The following UTRN variants were observed in gnomAD, a reference collection of about 807,000 sequenced individuals.
The protein encoded by UTRN is utrophin, also known as dystrophin-related protein 1.
UTRN carries 283 observed loss-of-function variants against 463.9 expected under a neutral mutation model. That is an observed-to-expected ratio of 0.61 (90% CI 0.55 to 0.67). The LOEUF is 0.67. Ranked by LOEUF, UTRN falls within the 30% of genes least tolerant of loss-of-function variation. UTRN has a pLI of 0.00. For missense variants in UTRN, 3,922 were observed against 4,084.3 expected, an observed-to-expected ratio of 0.96 and a Z score of 1.08; for synonymous variants, 1,442 against 1,431.5, an observed-to-expected ratio of 1.01 and a Z score of -0.17.
intron 53 of UTRN, among the ~76,000 whole-genome samples, chr6:144,715,410 T>C (rs1786295105): frequency 1.3e-5 from 2 of 152,200 alleles, no homozygotes; most frequent in African/African-American, 4.8e-5. Flanking sequence ...AATCAAACTC[T>C]GTAGGGGCTT....
intron 74 of UTRN, among the ~76,000 whole-genome samples, chr6:144,848,918 G>A (rs1251489024): frequency 2.0e-5 from 3 of 152,038 alleles, no homozygotes; most frequent in Non-Finnish European, 4.4e-5. Context: ...TTCAAAGCTG[G>A]GTGTTTTTAG....
At chr6:144,711,992 C>T (rs577246323) in intron 53 of UTRN, among the ~76,000 whole-genome samples, 4 of 152,062 alleles carry the variant, frequency 2.6e-5, no homozygotes, top group Non-Finnish European at 4.4e-5. Flanking sequence ...TCTGTGCACA[C>T]GTAGGTGTGG....
Position 144,367,685 on chromosome 6 carries a change from A to G in UTRN, c.80-35438A>G, listed in dbSNP as rs576569407. 1.0e-3 allele frequency among the ~76,000 whole-genome samples: 156 copies of G among 152,312 alleles called. 1 individual carries two copies. Among genetic ancestry groups the G allele is most frequent in the African/African-American group, 3.7e-3 (152 of 41,574 alleles). On this transcript the variant is annotated intron_variant, in intron 2 of 74. Transcript: ENST00000367545. ...TTCTACGAGCTTTTATTTTTCAAGGAGAAACTTATCTTCAAGAAGACAGTA... is the reference window on the plus strand; with the variant it reads ...TTCTACGAGCTTTTATTTTTCAAGGGGAAACTTATCTTCAAGAAGACAGTA...
intron 37 of UTRN, among the ~76,000 whole-genome samples, chr6:144,515,189 G>A (rs1357103556): frequency 6.6e-6 from 1 of 152,206 alleles, no homozygotes; most frequent in East Asian, 1.9e-4. Flanking sequence ...ACAGGTGTGA[G>A]CTGCTGCACC....
chr6:144,459,210 A>G lies in UTRN; in HGVS notation c.2563A>G (p.Ile855Val), dbSNP rs1208386068. ...AAATCTTCTTGGCCTTCACCCCAAA[A>G]TTGAAATGGCTCGTGCAAGCTGCTC... ...LTNLLGLHPK[I>V]EMARASCSAL... The change falls in exon 21 of 75, where the codon ATT becomes GTT. Residue 855 changes from isoleucine (I) to valine (V), a missense_variant. Ile to Val is a conservative substitution (Grantham distance 29, BLOSUM62 3). Coordinates refer to ENST00000367545, the MANE Select transcript of UTRN (RefSeq NM_007124.3). The G allele has an allele frequency of 1.2e-6, 2 of 1,613,416 alleles. No individual in the cohort carries two copies. The highest frequency in any genetic ancestry group is 2.2e-5 in the East Asian group (1 of 44,882).
chr6:144,434,826 T>G (rs1295079558), intron 9 of UTRN, among the ~76,000 whole-genome samples: 1 of 152,170 alleles, frequency 6.6e-6, no homozygotes, highest in African/African-American at 2.4e-5. Flanking sequence ...AAAGCTCAAG[T>G]TGCTCAGCCT....
intron 51 of UTRN, among the ~76,000 whole-genome samples, chr6:144,615,205 A>G (rs748305068): frequency 6.6e-6 from 1 of 152,162 alleles, no homozygotes; most frequent in Non-Finnish European, 1.5e-5. Context: ...AGTCAGTATT[A>G]TATATTATAA....
chr6:144,821,112 A>G, intron 66 of UTRN, 94 bp downstream of exon 66: 1 of 1,409,968 alleles, frequency 7.1e-7, no homozygotes, highest in Non-Finnish European at 9.5e-7. Context: ...GTTTAATACC[A>G]ACTGCATTTT....
chr6:144,727,304 A>G (rs1348750871), intron 53 of UTRN, among the ~76,000 whole-genome samples: 1 of 152,180 alleles, frequency 6.6e-6, no homozygotes, highest in Non-Finnish European at 1.5e-5. Flanking sequence ...TCTAAATGCC[A>G]TTGTGTGAAT....
intron 51 of UTRN, among the ~76,000 whole-genome samples, chr6:144,655,126 A>G (rs1779195818): frequency 6.6e-6 from 1 of 152,270 alleles, no homozygotes; most frequent in African/African-American, 2.4e-5. Context: ...CTTTGCGTAC[A>G]AAGCATAGTG....
chr6:144,339,737 A>G (rs1458664021), intron 2 of UTRN, among the ~76,000 whole-genome samples: 1 of 152,174 alleles, frequency 6.6e-6, no homozygotes, highest in Non-Finnish European at 1.5e-5. Context: ...AGAAGTGCAA[A>G]TCGAGTAGAA....
intron 51 of UTRN, among the ~76,000 whole-genome samples, chr6:144,651,954 ATCCC>A: frequency 6.6e-6 from 1 of 152,166 alleles, no homozygotes; most frequent in East Asian, 1.9e-4. Context: ...GTAGTCTTTT[ATCCC>A]TCACCCCCCT....
chr6:144,377,120 C>T (rs1167047264), intron 2 of UTRN, among the ~76,000 whole-genome samples: 4 of 152,146 alleles, frequency 2.6e-5, no homozygotes, highest in African/African-American at 7.2e-5. Context: ...TCACTGCAAC[C>T]TCTACCTTCT....
chr6:144,445,756 G>A (rs978196036), intron 14 of UTRN, among the ~76,000 whole-genome samples: 2 of 152,126 alleles, frequency 1.3e-5, no homozygotes, highest in East Asian at 1.9e-4. Flanking sequence ...AATAATGACA[G>A]TAGAAAGGCT....
intron 54 of UTRN, among the ~76,000 whole-genome samples, chr6:144,732,241 T>TATATATATATATATATATATATACAC (rs1562832431): frequency 4.2e-5 from 1 of 23,906 alleles, no homozygotes; most frequent in Non-Finnish European, 9.7e-5. Context: ...TATATATACA[T>TATATATATATATATATATATATACAC]ATATATATAT....
chr6:144,508,974 G>A (rs1794936025), intron 34 of UTRN, among the ~76,000 whole-genome samples: 1 of 152,012 alleles, frequency 6.6e-6, no homozygotes, highest in Non-Finnish European at 1.5e-5. Context: ...ATGTTTTATA[G>A]TATATTTTAA....
At chr6:144,394,184 C>A (rs1782189732) in intron 2 of UTRN, among the ~76,000 whole-genome samples, 1 of 152,118 alleles carries the variant, frequency 6.6e-6, no homozygotes, top group Non-Finnish European at 1.5e-5. Context: ...TGATGCTTTT[C>A]AATTTATTAT....
At chr6:144,669,956 G>GGTGTGTGTGTGTGTGT (rs35769043) in intron 51 of UTRN, among the ~76,000 whole-genome samples, 7 of 147,898 alleles carry the variant, frequency 4.7e-5, no homozygotes, top group African/African-American at 1.5e-4. Flanking sequence ...AGTATTCCAT[G>GGTGTGTGTGTGTGTGT]GTGTGTGTGT....
At chr6:144,732,302 A>G (rs1013227730) in intron 54 of UTRN, among the ~76,000 whole-genome samples, 9 of 135,252 alleles carry the variant, frequency 6.7e-5, no homozygotes, top group African/African-American at 2.0e-4. Flanking sequence ...ATATACACAT[A>G]TATATATATA....
Sources: allele counts gnomAD v4.1 joint callset (sites outside exome capture counted in the v4.1 genomes callset), GRCh38; gene constraint gnomAD v4.1.1; transcripts MANE v1.5; gene names NCBI Gene and HGNC (gene_info 2026-07-23, HGNC 2026-07-21).